SHTN1: variants seen among roughly 807,000 people sequenced by gnomAD.
SHTN1 encodes the protein shootin 1, also known as shootin-1.
A neutral mutation model predicts 83.1 loss-of-function variants in SHTN1; 42 were observed. The ratio of observed to expected loss-of-function variants is 0.51; its 90% confidence interval spans 0.39 to 0.65. The LOEUF (loss-of-function observed/expected upper bound fraction) is 0.65, where lower values mean the gene tolerates loss of function less well. Among genes scored for constraint, SHTN1 ranks in the 30% least tolerant of loss-of-function variants. SHTN1 has a pLI of 0.00. For missense variants in SHTN1, 622 were observed against 737.8 expected (o/e 0.84, Z 1.82); for synonymous variants, 224 against 247.7 (o/e 0.90, Z 0.90).
chr10:116,945,880 G>T (rs919572461), intron 7 of SHTN1, among the ~76,000 whole-genome samples: 1 of 152,052 alleles, frequency 6.6e-6, no homozygotes. Context: ...TCATCTAATG[G>T]AATAGTATAT....
chr10:117,062,841 T>C (rs1020557321), intron 1 of SHTN1, among the ~76,000 whole-genome samples: 19 of 152,228 alleles, frequency 1.2e-4, no homozygotes, highest in African/African-American at 3.8e-4. Flanking sequence ...TCAATAAATT[T>C]AGAATTATTT....
Position 117,076,489 on chromosome 10 carries a change from A to C in SHTN1, c.-188-27979T>G, listed in dbSNP as rs192251228. On this transcript the variant is annotated intron_variant, in intron 1 of 17. Transcript: ENST00000392901. ...CCCAAACCCACCATCTGAGAATATC[A>C]ACACATGTTTATATTTAAATTATAA... Among the ~76,000 whole-genome samples, 53 of 152,324 alleles carry C rather than the reference A, an allele frequency of 3.5e-4. 1 individual carries two copies. The highest frequency in any genetic ancestry group is 3.5e-3 in the Admixed American group (53 of 15,302).
Position 116,882,333 on chromosome 10 carries a change from A to T in SHTN1, c.*4011T>A, listed in dbSNP as rs2133288189. On this transcript the variant is annotated 3_prime_UTR_variant, in exon 17 of 17. Transcript: ENST00000355371. ...TAAGCACATCAGTAAATGAATTAAT[A>T]TTCTCAAGGTTATTAAATGCCCAGT... is the stretch of plus-strand genomic sequence containing the variant. 6.6e-6 allele frequency: 1 copy of T among 151,894 alleles called. No homozygotes were observed. Among genetic ancestry groups the T allele is most frequent in the South Asian group, 2.1e-4 (1 of 4,796 alleles). The allele number at this position is 151,894 out of a possible 1,614,324, so 9.4% of individuals were successfully genotyped here.
intron 2 of SHTN1, among the ~76,000 whole-genome samples, chr10:117,020,829 T>C (rs1286736869): frequency 1.3e-5 from 2 of 151,758 alleles, no homozygotes; most frequent in African/African-American, 4.8e-5. Context: ...AAATTAAAAG[T>C]TTTGCTCGTG....
chr10:117,004,900 C>T, intron 1 of SHTN1, 122 bp downstream of exon 1: 3 of 780,594 alleles, frequency 3.8e-6, no homozygotes, highest in Non-Finnish European at 5.9e-6. Context: ...GGAGCTACTG[C>T]GGTGACCACG....
At chr10:117,120,999 G>A (rs1017571465) in intron 1 of SHTN1, among the ~76,000 whole-genome samples, 9 of 151,948 alleles carry the variant, frequency 5.9e-5, no homozygotes, top group African/African-American at 2.2e-4. Context: ...TAGGAGAGAC[G>A]GGGTTTCCCC....
At chr10:116,969,345 G>A (rs1850517614) in intron 2 of SHTN1, among the ~76,000 whole-genome samples, 1 of 152,150 alleles carries the variant, frequency 6.6e-6, no homozygotes, top group Non-Finnish European at 1.5e-5. Context: ...GGAGGCTGAG[G>A]CAGGAGAATT....
Position 117,013,764 on chromosome 10 carries a change from G to A in SHTN1, c.-122-34456C>T, listed in dbSNP as rs1373456037. Among the ~76,000 whole-genome samples the A allele has an allele frequency of 3.3e-5, 5 of 152,284 alleles. No homozygotes were observed. In the South Asian group the frequency reaches 8.3e-4, roughly 25 times the overall value. ...ACAACTTGGTGGTTCCACTCCCGGG[G>A]CTTACCCAAATGAGCGGAAAACTTA... On this transcript the variant is annotated intron_variant, in intron 2 of 17. Transcript: ENST00000392901.
intron 1 of SHTN1, among the ~76,000 whole-genome samples, chr10:117,125,681 C>T (rs1396480230): frequency 6.6e-6 from 1 of 152,168 alleles, no homozygotes; most frequent in African/African-American, 2.4e-5. Context: ...CTCTCCCCTC[C>T]GTTTCTCCCT....
intron 5 of SHTN1, 62 bp downstream of exon 5, chr10:116,953,980 G>C: frequency 7.4e-7 from 1 of 1,359,406 alleles, no homozygotes. Flanking sequence ...TGCAGTCAGG[G>C]TTCAGAAGCA....
At chr10:116,943,901 T>C (rs1589829099) in intron 8 of SHTN1, among the ~76,000 whole-genome samples, 1 of 152,146 alleles carries the variant, frequency 6.6e-6, no homozygotes, top group Non-Finnish European at 1.5e-5. Context: ...GTTTAGCCCA[T>C]TGGTGAACTC....
chr10:116,995,456 G>C (rs180986596), intron 1 of SHTN1, among the ~76,000 whole-genome samples: 2 of 152,216 alleles, frequency 1.3e-5, no homozygotes, highest in East Asian at 3.9e-4. Context: ...TTATTTTCCA[G>C]ATTTAGGAAA....
rs565917803 is a variant in SHTN1, at chr10:117,112,029, G to A, written c.-189+14278C>T. ...CACCCAGGCTGGAGTCCAGTGGCAC[G>A]CTCTCTGCTCACTGCAACCTCTGCC... On this transcript the variant is annotated intron_variant, in intron 1 of 17. Transcript: ENST00000392901. 7.2e-5 allele frequency among the ~76,000 whole-genome samples: 11 copies of A among 152,046 alleles called. No individual in the cohort carries two copies. In the South Asian group the frequency reaches 1.3e-3, roughly 17 times the overall value.
At chr10:117,055,868 T>C (rs1852819274) in intron 1 of SHTN1, among the ~76,000 whole-genome samples, 1 of 152,138 alleles carries the variant, frequency 6.6e-6, no homozygotes, top group South Asian at 2.1e-4. Flanking sequence ...ACCCTGTCTC[T>C]AAGTAGAGAG....
chr10:117,043,595 C>T (rs1852618170), intron 2 of SHTN1, among the ~76,000 whole-genome samples: 1 of 151,982 alleles, frequency 6.6e-6, no homozygotes, highest in South Asian at 2.1e-4. Context: ...AATCCCAGCA[C>T]ATTGGTAGGC....
chr10:117,086,117 A>G (rs2133616405), intron 1 of SHTN1, among the ~76,000 whole-genome samples: 1 of 152,134 alleles, frequency 6.6e-6, no homozygotes, highest in South Asian at 2.1e-4. Flanking sequence ...ACGGGGTTTC[A>G]CCATGTTAGC....
At chr10:116,982,532 C>A (rs748382375) in intron 1 of SHTN1, among the ~76,000 whole-genome samples, 1 of 152,154 alleles carries the variant, frequency 6.6e-6, no homozygotes. Flanking sequence ...GGCAATGTTA[C>A]GGGGTCGCAG....
chr10:116,909,095 A>G (rs1277939351), intron 14 of SHTN1, among the ~76,000 whole-genome samples: 1 of 152,220 alleles, frequency 6.6e-6, no homozygotes, highest in Non-Finnish European at 1.5e-5. Context: ...TGTGGTACAT[A>G]TAATTCCTTC....
intron 3 of SHTN1, among the ~76,000 whole-genome samples, chr10:116,967,309 T>A (rs1170777485): frequency 6.6e-6 from 1 of 152,186 alleles, no homozygotes; most frequent in Non-Finnish European, 1.5e-5. Flanking sequence ...TAGCAAAAAT[T>A]TGGAAAGTAC....
Sources: gnomAD v4.1 joint callset for allele counts (sites outside exome capture counted in the v4.1 genomes callset) on GRCh38, gnomAD v4.1.1 for gene constraint, MANE v1.5 for transcripts, NCBI Gene and HGNC (gene_info 2026-07-23, HGNC 2026-07-21) for gene names.